The following ADAM12 variants were observed in gnomAD, a reference collection of about 807,000 sequenced individuals.
ADAM12 encodes disintegrin and metalloproteinase domain-containing protein 12.
ADAM12 carries 70 observed loss-of-function variants against 106.4 expected under a neutral mutation model. The ratio of observed to expected loss-of-function variants is 0.66; its 90% CI spans 0.54 to 0.80. The LOEUF (loss-of-function observed/expected upper bound fraction) is 0.80. Ranked by LOEUF, ADAM12 falls within the 30% of genes least tolerant of loss-of-function variation. The pLI, the probability that ADAM12 is intolerant of heterozygous loss-of-function variation, is 0.00. For missense variants in ADAM12, 1,010 were observed against 1,171.9 expected (o/e 0.86, Z 2.02); for synonymous variants, 420 against 433.5 (o/e 0.97, Z 0.39).
chr10:126,026,152 T>A (rs1953868740), intron 21 of ADAM12, among the ~76,000 whole-genome samples: 1 of 152,186 alleles, frequency 6.6e-6, no homozygotes, highest in Non-Finnish European at 1.5e-5. Flanking sequence ...GAGGAAAATT[T>A]ACCAGGCAAA....
intron 3 of ADAM12, among the ~76,000 whole-genome samples, chr10:126,263,208 T>C (rs978965084): frequency 3.3e-5 from 5 of 152,204 alleles, no homozygotes; most frequent in African/African-American, 1.2e-4. Context: ...GTTTAAGCAT[T>C]CCTCTGGTTA....
intron 5 of ADAM12, among the ~76,000 whole-genome samples, chr10:126,127,003 C>G (rs543163440): frequency 2.0e-5 from 3 of 152,312 alleles, no homozygotes; most frequent in Admixed American, 6.5e-5. Flanking sequence ...TCCTTCAGAG[C>G]AGATGCCACC....
At position 126,108,431 on chromosome 10, in the gene ADAM12, G is replaced by T. The variant is rs532628150; in HGVS notation, c.741+162C>A. Among the ~76,000 whole-genome samples the T allele has an allele frequency of 2.6e-5, 4 of 152,274 alleles. No individual in the cohort carries two copies. In the South Asian group the frequency reaches 8.3e-4, roughly 32 times the overall value. On this transcript the variant is annotated intron_variant, in intron 8 of 22. Transcript: ENST00000448723. ...CTGTGGTTTGGCATCTCCTGAAGCTGCCCCAGGACCCAGGAATTACACACT... is the reference window on the plus strand; with the variant it reads ...CTGTGGTTTGGCATCTCCTGAAGCTTCCCCAGGACCCAGGAATTACACACT...
intron 3 of ADAM12, among the ~76,000 whole-genome samples, chr10:126,225,327 A>T (rs7069895): frequency 7.2e-5 from 11 of 152,302 alleles, no homozygotes; most frequent in African/African-American, 2.6e-4. Context: ...TATGTCACAC[A>T]CTTGGGGAGT....
At position 126,051,584 on chromosome 10, in the gene ADAM12, T is replaced by TCCAGCCAG. The variant is rs1225316037; in HGVS notation, c.1610-1916_1610-1915insCTGGCTGG. On this transcript the variant is annotated intron_variant, in intron 14 of 22. Transcript: ENST00000448723. ...ATCCATCCATCCATCCATCCATCCATCCATCCAGCCAGCCAGCCACCTGTC... is the reference window on the plus strand; with the variant it reads ...ATCCATCCATCCATCCATCCATCCATCCAGCCAGCCATCCAGCCAGCCAGCCACCTGTC... Among the ~76,000 whole-genome samples the TCCAGCCAG allele has an allele frequency of 4.0e-3, 487 of 122,236 alleles. 1 individual carries two copies. The highest frequency in any genetic ancestry group is 0.011 in the African/African-American group (324 of 30,746). The allele number at this position is 122,236 out of a possible 152,430, so 80.2% of individuals were successfully genotyped here.
rs184213341 is a variant in ADAM12 at position 126,171,053 on chromosome 10, T to C, written c.261-15748A>G. On this transcript the variant is annotated intron_variant, in intron 3 of 22. Transcript: ENST00000448723. ...CTTACAGCTGGGCCTTTGAACTATT[T>C]GCTTCCTCCATATGGACTCTCCAAG... Among the ~76,000 whole-genome samples the C allele has an allele frequency of 1.3e-3, 202 of 152,358 alleles. 2 individuals are homozygous for C. Among genetic ancestry groups the C allele is most frequent in the African/African-American group, 4.6e-3 (190 of 41,592 alleles).
Position 126,015,364 on chromosome 10 carries a change from A to C in ADAM12, c.*1915T>G, listed in dbSNP as rs1953644390. ...GACAATGCCCACGTAATGCACCATA[A>C]AATTCTGTAAACCTTTTTAATAGTA... On this transcript the variant is annotated 3_prime_UTR_variant, in exon 23 of 23. Coordinates refer to ENST00000448723, the MANE Select transcript of ADAM12 (RefSeq NM_001288973.2). 1 of 152,224 alleles carries C rather than the reference A, an allele frequency of 6.6e-6. No individual in the cohort carries two copies. Among genetic ancestry groups the C allele is most frequent in the African/African-American group, 2.4e-5 (1 of 41,466 alleles). The allele number at this position is 152,224 out of a possible 1,614,324, so 9.4% of individuals were successfully genotyped here. A position where few individuals can be genotyped will look rare whatever the true frequency, so the allele number is the denominator to read the frequency against.
intron 3 of ADAM12, among the ~76,000 whole-genome samples, chr10:126,200,494 T>C (rs1014431679): frequency 2.6e-5 from 4 of 152,110 alleles, no homozygotes; most frequent in Non-Finnish European, 5.9e-5. Flanking sequence ...CCTGTCTCCA[T>C]CTCCCACTAC....
intron 3 of ADAM12, among the ~76,000 whole-genome samples, chr10:126,229,499 A>G (rs1360757745): frequency 1.3e-5 from 2 of 152,212 alleles, no homozygotes; most frequent in African/African-American, 4.8e-5. Flanking sequence ...TGAGAAAATT[A>G]TAAAGAATAA....
At chr10:126,322,437 C>A (rs1336174897) in intron 2 of ADAM12, among the ~76,000 whole-genome samples, 2 of 152,190 alleles carry the variant, frequency 1.3e-5, no homozygotes, top group Non-Finnish European at 2.9e-5. Context: ...CCAGGGGCCA[C>A]GTGGCAATGC....
intron 5 of ADAM12, among the ~76,000 whole-genome samples, chr10:126,124,194 C>A (rs1435301493): frequency 6.6e-6 from 1 of 152,022 alleles, no homozygotes; most frequent in East Asian, 1.9e-4. Flanking sequence ...GCTCAGTGTC[C>A]AACTGCTAAC....
chr10:126,040,846 C>T (rs1954149059), intron 18 of ADAM12, among the ~76,000 whole-genome samples: 1 of 152,120 alleles, frequency 6.6e-6, no homozygotes, highest in Non-Finnish European at 1.5e-5. Flanking sequence ...GCTGAACTCC[C>T]CAGGGTTGCT....
chr10:126,291,070 T>C (rs988558190), intron 2 of ADAM12, among the ~76,000 whole-genome samples: 4 of 152,248 alleles, frequency 2.6e-5, no homozygotes, highest in African/African-American at 7.2e-5. Flanking sequence ...TAGAATAGCA[T>C]GGACTGTGTT....
chr10:126,066,618 C>A lies in ADAM12; in HGVS notation c.1413+99G>T. 1 of 1,184,440 alleles carries A rather than the reference C, an allele frequency of 8.4e-7. No individual in the cohort carries two copies. Among genetic ancestry groups the A allele is most frequent in the Non-Finnish European group, 1.2e-6 (1 of 800,906 alleles). 73.4% of individuals were successfully genotyped at this position (1,184,440 alleles called of 1,614,324 possible). On this transcript the variant is annotated intron_variant, in intron 13 of 22. Transcript: ENST00000448723. This position sits in a 1 kb window ranked among gnomAD's most constrained non-coding sequence, Gnocchi z 5.1. ...GGGATGGTGCGTGCTGTGGTGAGTG[C>A]TGGGAAACCTTCCAGCCACACTGCT...
chr10:126,334,441 G>A lies in ADAM12; in HGVS notation c.89-3932C>T, dbSNP rs185868676. ...AAATGGCCAGTTTGCTTCAGCCTCAGAGTGGAAAAACACATATTAGATCGT... is the reference window on the plus strand; with the variant it reads ...AAATGGCCAGTTTGCTTCAGCCTCAAAGTGGAAAAACACATATTAGATCGT... On this transcript the variant is annotated intron_variant, in intron 1 of 22. Transcript: ENST00000448723. 3.7e-3 allele frequency among the ~76,000 whole-genome samples: 556 copies of A among 152,236 alleles called. 4 individuals carry two copies. The highest frequency in any genetic ancestry group is 0.013 in the African/African-American group (537 of 41,546).
intron 3 of ADAM12, among the ~76,000 whole-genome samples, chr10:126,236,429 A>G (rs1958417346): frequency 6.6e-6 from 1 of 152,218 alleles, no homozygotes; most frequent in South Asian, 2.1e-4. Context: ...TCAGATGCCT[A>G]TAGGACAGCT....
At chr10:126,225,003 C>G (rs1444362746) in intron 3 of ADAM12, among the ~76,000 whole-genome samples, 2 of 152,244 alleles carry the variant, frequency 1.3e-5, no homozygotes, top group Admixed American at 1.3e-4. Context: ...CCTGCCGCCT[C>G]TGAGTCAGGT....
chr10:126,113,690 ATATATATATATATATATATATAT>A (rs1955922237), intron 6 of ADAM12, among the ~76,000 whole-genome samples: 20 of 13,890 alleles, frequency 1.4e-3, no homozygotes, highest in African/African-American at 6.4e-3. Context: ...AAAAAAAAAT[ATATATATATATATATATATATAT>A]ATATATATAT....
intron 3 of ADAM12, among the ~76,000 whole-genome samples, chr10:126,224,189 A>T (rs531910955): frequency 6.6e-6 from 1 of 152,010 alleles, no homozygotes; most frequent in South Asian, 2.1e-4. Context: ...AGAGGGCCTG[A>T]CTTGGGGCCC....
Sources: allele counts gnomAD v4.1 joint callset (sites outside exome capture counted in the v4.1 genomes callset), GRCh38; gene constraint gnomAD v4.1.1; non-coding constraint Gnocchi (gnomAD v3.1); transcripts MANE v1.5; gene names NCBI Gene and HGNC (gene_info 2026-07-23, HGNC 2026-07-21).